Variants in PPIH observed in about 807,000 individuals in gnomAD.
PPIH encodes the protein peptidylprolyl isomerase H, also known as peptidyl-prolyl cis-trans isomerase H.
PPIH carries 16 observed loss-of-function variants against 27.6 expected under a neutral mutation model. The observed-to-expected ratio is 0.58, with a 90% CI of 0.39 to 0.88. PPIH has a LOEUF of 0.88. Among genes scored for constraint, PPIH ranks in the 40% least tolerant of loss-of-function variants. The pLI, the probability that PPIH is intolerant of heterozygous loss-of-function variation, is 0.00. For synonymous variants in PPIH, 63 were observed against 76.1 expected (o/e 0.83, Z 0.90); for missense variants, 155 against 224.1 (o/e 0.69, Z 1.97).
downstream of PPIH, among the ~76,000 whole-genome samples, chr1:42,677,724 G>A (rs745722376): frequency 6.6e-6 from 1 of 152,116 alleles, no homozygotes; most frequent in African/African-American, 2.4e-5. Context: ...TGCTCAGGAG[G>A]CTGAGGCAGG....
intron 4 of PPIH, 26 bp downstream of exon 4, chr1:42,659,592 G>C: frequency 6.2e-7 from 1 of 1,600,060 alleles, no homozygotes. Context: ...AGCCATCCTG[G>C]AGTCTTTCAG....
chr1:42,663,528 G>A (rs1649164784), intron 5 of PPIH, among the ~76,000 whole-genome samples: 1 of 152,014 alleles, frequency 6.6e-6, no homozygotes, highest in African/African-American at 2.4e-5. Context: ...AGCCTCCCGA[G>A]TAGCTGGGAT....
intron 9 of PPIH, among the ~76,000 whole-genome samples, chr1:42,669,382 T>C (rs1474133243): frequency 2.0e-5 from 3 of 152,134 alleles, no homozygotes; most frequent in Non-Finnish European, 4.4e-5. Flanking sequence ...CACAAACGTA[T>C]TAAAAATATT....
intron 5 of PPIH, among the ~76,000 whole-genome samples, chr1:42,661,480 G>GT (rs1193685412): frequency 6.6e-6 from 1 of 152,146 alleles, no homozygotes; most frequent in Non-Finnish European, 1.5e-5. Flanking sequence ...TAGCTTTCTT[G>GT]TAAGTAGACT....
intron 4 of PPIH, 75 bp downstream of exon 4, chr1:42,659,641 A>G: frequency 2.6e-6 from 4 of 1,544,524 alleles, no homozygotes; most frequent in Non-Finnish European, 3.5e-6. Flanking sequence ...AGAGGAAAAT[A>G]AAACCAGAGG....
intron 4 of PPIH, among the ~76,000 whole-genome samples, chr1:42,660,227 C>T (rs1294231252): frequency 6.6e-6 from 1 of 152,110 alleles, no homozygotes; most frequent in African/African-American, 2.4e-5. Flanking sequence ...TAGTTCTTTC[C>T]CCCAAATTTA....
downstream of PPIH, among the ~76,000 whole-genome samples, chr1:42,679,296 T>C (rs917176045): frequency 7.9e-5 from 12 of 152,370 alleles, no homozygotes; most frequent in East Asian, 2.3e-3. Flanking sequence ...TTCAAGCGAT[T>C]CTCCCTCCTC....
chr1:42,667,167 A>G (rs900843170), intron 8 of PPIH, among the ~76,000 whole-genome samples, 184 bp from the exon 9 acceptor site: 3 of 152,148 alleles, frequency 2.0e-5, no homozygotes, highest in African/African-American at 7.2e-5. Flanking sequence ...CATAAGTTTG[A>G]TATTTTCTAA....
downstream of PPIH, among the ~76,000 whole-genome samples, chr1:42,679,749 T>C (rs1557524761): frequency 6.6e-6 from 1 of 152,236 alleles, no homozygotes; most frequent in Admixed American, 6.5e-5. Flanking sequence ...GGCATGCTTT[T>C]AAATGTCCTC....
intron 9 of PPIH, among the ~76,000 whole-genome samples, chr1:42,671,705 G>A (rs1240784125): frequency 6.6e-6 from 1 of 152,144 alleles, no homozygotes; most frequent in Non-Finnish European, 1.5e-5. Flanking sequence ...TAAGGTGTTA[G>A]GAAATCTGGG....
downstream of PPIH, among the ~76,000 whole-genome samples, chr1:42,679,762 T>C (rs1649976637): frequency 6.6e-6 from 1 of 152,360 alleles, no homozygotes; most frequent in East Asian, 1.9e-4. Context: ...ATGTCCTCAG[T>C]GTTGGCAGGA....
intron 5 of PPIH, 56 bp from the exon 6 acceptor site, chr1:42,664,807 C>T (rs930251409): frequency 3.4e-5 from 47 of 1,376,920 alleles, no homozygotes; most frequent in South Asian, 3.0e-4. Flanking sequence ...GTTCTTCCTC[C>T]GGTTTCCAGG....
chr1:42,663,280 C>T lies in PPIH; in HGVS notation c.244-1583C>T, dbSNP rs1380031476. 6.6e-5 allele frequency among the ~76,000 whole-genome samples: 10 copies of T among 152,250 alleles called. No individual in the cohort carries two copies. The South Asian group carries it at 2.1e-3, about 32-fold the overall frequency. On this transcript the variant is annotated intron_variant, in intron 5 of 9. Coordinates refer to ENST00000304979, the MANE Select transcript of PPIH (RefSeq NM_006347.4). Reference sequence around the variant, plus strand: ...TTTTACAGACACTATCTAATTGAATCTTCATGATAACTGTAAAGAGTAGGT... The same window carrying T: ...TTTTACAGACACTATCTAATTGAATTTTCATGATAACTGTAAAGAGTAGGT...
intron 1 of PPIH, 21 bp from the exon 2 acceptor site, chr1:42,658,823 A>T (rs1190035144): frequency 4.3e-6 from 7 of 1,613,838 alleles, no homozygotes; most frequent in Non-Finnish European, 5.1e-6. Context: ...GGGCCTTCTG[A>T]CACTCTCCCG....
At chr1:42,674,772 C>A (rs1649802738) in intron 9 of PPIH, among the ~76,000 whole-genome samples, 1 of 152,170 alleles carries the variant, frequency 6.6e-6, no homozygotes, top group African/African-American at 2.4e-5. Flanking sequence ...GTCTGGGGAA[C>A]ACTGGAGATT....
chr1:42,671,653 G>A (rs936971518), intron 9 of PPIH, among the ~76,000 whole-genome samples: 4 of 152,078 alleles, frequency 2.6e-5, no homozygotes, highest in Non-Finnish European at 5.9e-5. Flanking sequence ...AACTTTACTT[G>A]AATTATCGCA....
Position 42,658,496 on chromosome 1 carries a change from T to C in PPIH, c.50T>C (p.Val17Ala), listed in dbSNP as rs752774332. 6.2e-7 allele frequency: 1 copy of C among 1,614,050 alleles called. No homozygotes were observed. Among genetic ancestry groups the C allele is most frequent in the South Asian group, 1.1e-5 (1 of 91,078 alleles). ...SPVNPVVFFD[V>A]SIGGQEVGRM... is the part of the protein sequence containing the mutation. The stretch of plus-strand genomic sequence containing the variant: ...GTTAACCCCGTGGTGTTCTTTGATG[T>C]CAGTATTGGCGGTCAGGTGAGATCC... Residue 17 changes from valine (V) to alanine (A), a missense_variant, in exon 1 of 10, where the codon GTC (valine) becomes GCC (alanine). By Grantham distance (64) the Val-to-Ala change is moderately conservative (BLOSUM62 0). Around this residue, in one of 2 missense-constraint regions of PPIH, gnomAD observed 59 missense variants for 48.8 expected, o/e 1.21. Coordinates refer to ENST00000304979, the MANE Select transcript of PPIH (RefSeq NM_006347.4).
chr1:42,680,314 A>G (rs1018537449), downstream of PPIH, among the ~76,000 whole-genome samples: 8 of 152,272 alleles, frequency 5.3e-5, no homozygotes, highest in African/African-American at 1.4e-4. Flanking sequence ...ATATTTCACC[A>G]TCTCCCTTGT....
intron 9 of PPIH, among the ~76,000 whole-genome samples, chr1:42,670,112 T>C (rs1453420611): frequency 6.6e-6 from 1 of 152,220 alleles, no homozygotes; most frequent in African/African-American, 2.4e-5. Context: ...GGAACTCGTG[T>C]GAGCAAATGC....
Sources: gnomAD v4.1 joint callset for allele counts (sites outside exome capture counted in the v4.1 genomes callset) on GRCh38, gnomAD v4.1.1 for gene constraint, gnomAD v4.1.1 regional missense constraint, MANE v1.5 for transcripts, NCBI Gene and HGNC (gene_info 2026-07-23, HGNC 2026-07-21) for gene names.